EPHA6: variants seen among roughly 807,000 people sequenced by gnomAD.
The protein encoded by EPHA6 is ephrin type-A receptor 6.
Under a neutral mutation model 112.0 loss-of-function variants are expected in EPHA6, and 50 were observed. The ratio of observed to expected loss-of-function variants is 0.45; its 90% CI spans 0.36 to 0.56. The LOEUF is 0.56. Ranked by LOEUF, EPHA6 falls within the 20% of genes least tolerant of loss-of-function variation. EPHA6 has a pLI of 0.00. For synonymous variants in EPHA6, 529 were observed against 490.7 expected, an observed-to-expected ratio of 1.08 and a Z score of -1.03; for missense variants, 1,280 against 1,417.4, an observed-to-expected ratio of 0.90 and a Z score of 1.56.
chr3:97,591,592 A>G (rs569936713), intron 11 of EPHA6, among the ~76,000 whole-genome samples: 2 of 152,058 alleles, frequency 1.3e-5, no homozygotes, highest in East Asian at 1.9e-4. Context: ...TTCTAGTGCA[A>G]TTTTTGCCTT....
chr3:97,180,629 G>A (rs1007116441), intron 3 of EPHA6, among the ~76,000 whole-genome samples: 6 of 152,100 alleles, frequency 3.9e-5, no homozygotes, highest in Admixed American at 3.3e-4. Flanking sequence ...CTGACCTAGA[G>A]TGTGTCTAGA....
intron 13 of EPHA6, among the ~76,000 whole-genome samples, chr3:97,619,371 T>C (rs892538592): frequency 7.2e-6 from 1 of 138,750 alleles, no homozygotes; most frequent in Non-Finnish European, 1.6e-5. Flanking sequence ...GGATGCCCTA[T>C]CTCACCACTC....
Position 96,815,013 on chromosome 3 carries a change from G to A in EPHA6, c.385+5G>A. The A allele has an allele frequency of 6.6e-7, 1 of 1,507,354 alleles. No individual in the cohort carries two copies. The highest frequency in any genetic ancestry group is 8.9e-7 in the Non-Finnish European group (1 of 1,121,342). 93.4% of individuals were successfully genotyped at this position (1,507,354 alleles called of 1,614,324 possible). On this transcript the variant is annotated splice_donor_5th_base_variant and intron_variant, in intron 1 of 17. Transcript: ENST00000389672. The stretch of plus-strand genomic sequence containing the variant: ...GTCACGTCTCCAACAACCAAGGTAA[G>A]GGACGGGGCGGAGGAGCGGGAGTGG...
In EPHA6 at chr3:97,196,593, G is replaced by A. The variant is rs142575110; in HGVS notation, c.1115-29671G>A. On this transcript the variant is annotated intron_variant, in intron 3 of 17. Coordinates refer to ENST00000389672, the MANE Select transcript of EPHA6 (RefSeq NM_001080448.3). ...TATTTATTACGGTCATTTCAGTCTG[G>A]GCTTGTTTGTACCCAACATTCTTGT... Among the ~76,000 whole-genome samples, 142 of 152,036 alleles carry A rather than the reference G, an allele frequency of 9.3e-4. 2 individuals carry two copies. Among genetic ancestry groups the A allele is most frequent in the African/African-American group, 3.3e-3 (138 of 41,502 alleles).
chr3:97,535,240 A>G (rs185399563), intron 11 of EPHA6, among the ~76,000 whole-genome samples: 80 of 150,712 alleles, frequency 5.3e-4, no homozygotes, highest in Non-Finnish European at 1.0e-3. Flanking sequence ...TCTCATCTAG[A>G]AATGAGACCA....
At chr3:97,287,465 AAAAACAAAAAAAAAACAAAC>A (rs2080512642) in intron 5 of EPHA6, among the ~76,000 whole-genome samples, 1 of 134,972 alleles carries the variant, frequency 7.4e-6, no homozygotes. Context: ...ACTCCGTCTC[AAAAACAAAAAAAAAACAAAC>A]AAAACAAAAA....
At chr3:96,909,925 T>C (rs570431045) in intron 2 of EPHA6, among the ~76,000 whole-genome samples, 2 of 152,134 alleles carry the variant, frequency 1.3e-5, no homozygotes, top group Admixed American at 1.3e-4. Flanking sequence ...ATGTGGGAGT[T>C]GGCCTAGATG....
chr3:97,430,738 T>A (rs974683736), intron 6 of EPHA6, among the ~76,000 whole-genome samples: 1 of 152,172 alleles, frequency 6.6e-6, no homozygotes, highest in African/African-American at 2.4e-5. Flanking sequence ...AGCATTCATA[T>A]TGGGTAATTT....
At chr3:97,379,520 G>T (rs1484617631) in intron 5 of EPHA6, among the ~76,000 whole-genome samples, 3 of 151,704 alleles carry the variant, frequency 2.0e-5, no homozygotes, top group Non-Finnish European at 4.4e-5. Flanking sequence ...GGAGGCTGAG[G>T]TGGGTGGATC....
intron 5 of EPHA6, among the ~76,000 whole-genome samples, chr3:97,262,470 A>G (rs1280616347): frequency 2.0e-5 from 3 of 152,174 alleles, no homozygotes; most frequent in African/African-American, 7.2e-5. Context: ...TCAAATTTAG[A>G]ATGAATATAT....
chr3:96,867,949 T>C (rs768663857), intron 2 of EPHA6, among the ~76,000 whole-genome samples: 7 of 151,924 alleles, frequency 4.6e-5, no homozygotes, highest in Admixed American at 1.3e-4. Flanking sequence ...TACTGCGAGT[T>C]TATTTTTCTG....
intron 2 of EPHA6, among the ~76,000 whole-genome samples, chr3:96,954,736 G>C (rs1196576754): frequency 7.3e-6 from 1 of 137,348 alleles, no homozygotes; most frequent in South Asian, 2.6e-4. Flanking sequence ...ACAAGTTTGT[G>C]AAAACAGGAA....
intron 2 of EPHA6, among the ~76,000 whole-genome samples, chr3:96,889,978 T>C (rs981506620): frequency 6.6e-6 from 1 of 152,036 alleles, no homozygotes; most frequent in Non-Finnish European, 1.5e-5. Flanking sequence ...TTGGAATACA[T>C]ATATATATTG....
At chr3:97,360,182 T>C (rs1186915270) in intron 5 of EPHA6, among the ~76,000 whole-genome samples, 5 of 152,164 alleles carry the variant, frequency 3.3e-5, no homozygotes. Context: ...CACAGCTGCC[T>C]GCCACAGAGC....
At chr3:96,877,839 T>G (rs2037065655) in intron 2 of EPHA6, among the ~76,000 whole-genome samples, 1 of 151,718 alleles carries the variant, frequency 6.6e-6, no homozygotes, top group Admixed American at 6.6e-5. Context: ...ATGCAAATAC[T>G]TCAATGAAAT....
chr3:96,930,370 T>G (rs745707829), intron 2 of EPHA6, among the ~76,000 whole-genome samples: 1 of 152,186 alleles, frequency 6.6e-6, no homozygotes. Context: ...TGCTGACCTT[T>G]GAATGGGGTT....
Position 97,166,401 on chromosome 3 carries a change from T to C in EPHA6, c.1115-59863T>C, listed in dbSNP as rs558462885. 9.9e-5 allele frequency among the ~76,000 whole-genome samples: 15 copies of C among 151,540 alleles called. No homozygotes were observed. In the South Asian group the frequency reaches 3.1e-3, roughly 32 times the overall value. On this transcript the variant is annotated intron_variant, in intron 3 of 17. Coordinates refer to ENST00000389672, the MANE Select transcript of EPHA6 (RefSeq NM_001080448.3). ...AAAAAAATAACAAACGTGTGTATAA[T>C]GGCTTCTATGATGTTGGGGGGTGGG...
chr3:97,592,677 AGCATCCAGGCCCC>A lies in EPHA6; in HGVS notation c.2461_2473del (p.Ala821CysfsTer17). Reference sequence around the variant, plus strand: ...CTTCCTGAGGGCAGGGTTTTTAAATAGCATCCAGGCCCCGCATCCAGTGCCAGGGGGAGGATCT... The same window carrying A: ...CTTCCTGAGGGCAGGGTTTTTAAATAGCATCCAGTGCCAGGGGGAGGATCT... On this transcript the variant is annotated frameshift_variant, in exon 12 of 18. Transcript: ENST00000389672. LOFTEE classifies it high-confidence loss of function. 6.2e-7 allele frequency: 1 copy of A among 1,613,184 alleles called. No homozygotes were observed. The highest frequency in any genetic ancestry group is 8.5e-7 in the Non-Finnish European group (1 of 1,179,638).
chr3:97,700,266 C>CT (rs1403413261), intron 14 of EPHA6, among the ~76,000 whole-genome samples: 1 of 152,208 alleles, frequency 6.6e-6, no homozygotes, highest in African/African-American at 2.4e-5. Context: ...TCTTTTCTGT[C>CT]TCCTGTTCTC....
Sources: allele counts gnomAD v4.1 joint callset (sites outside exome capture counted in the v4.1 genomes callset), GRCh38; gene constraint gnomAD v4.1.1; transcripts MANE v1.5; gene names NCBI Gene and HGNC (gene_info 2026-07-23, HGNC 2026-07-21).